The following FAR1 variants were observed in gnomAD, a reference collection of about 807,000 sequenced individuals.
FAR1 encodes male sterility domain-containing protein 2.
FAR1 carries 22 observed loss-of-function variants against 61.1 expected under a neutral mutation model. The ratio of observed to expected loss-of-function variants is 0.36; its 90% CI spans 0.26 to 0.51. FAR1 has a LOEUF of 0.51. Ranked by LOEUF, FAR1 falls within the 20% of genes least tolerant of loss-of-function variation. The probability of loss-of-function intolerance (pLI) is 0.95; values close to 1 mark genes in which losing one functional copy is unlikely to be tolerated. For missense variants in FAR1, 359 were observed against 626.9 expected (o/e 0.57, Z 4.56); for synonymous variants, 206 against 209.7 (o/e 0.98, Z 0.15).
chr11:13,716,329 AACAAATC>A (rs1472648885), intron 9 of FAR1, among the ~76,000 whole-genome samples: 2 of 152,352 alleles, frequency 1.3e-5, no homozygotes, highest in East Asian at 3.9e-4. Context: ...GTTGCTGCAT[AACAAATC>A]ATCTCAAACT....
At chr11:13,671,226 T>C (rs769267800) in intron 1 of FAR1, among the ~76,000 whole-genome samples, 2 of 152,208 alleles carry the variant, frequency 1.3e-5, no homozygotes, top group Non-Finnish European at 2.9e-5. Flanking sequence ...TCATGTGAAC[T>C]AGAAGTTGGG....
intron 2 of FAR1, among the ~76,000 whole-genome samples, chr11:13,696,641 GACTTA>G (rs139856423): frequency 0.17 from 25,620 of 151,884 alleles, 2,284 homozygotes; most frequent in South Asian, 0.24. Flanking sequence ...CCAAATATTT[GACTTA>G]ACTTGATACT....
chr11:13,683,408 A>G (rs1259275607), intron 1 of FAR1, among the ~76,000 whole-genome samples: 3 of 152,244 alleles, frequency 2.0e-5, no homozygotes, highest in Non-Finnish European at 4.4e-5. Flanking sequence ...AAAAAAGACA[A>G]AGCAGCATTG....
In FAR1 at chr11:13,713,010, A is replaced by G; in HGVS notation, c.932A>G (p.Asn311Ser). 1 of 1,613,138 alleles carries G rather than the reference A, an allele frequency of 6.2e-7. No homozygotes were observed. Among genetic ancestry groups the G allele is most frequent in the Non-Finnish European group, 8.5e-7 (1 of 1,179,278 alleles). The change falls in exon 8 of 12, where the codon AAT becomes AGT. Residue 311 changes from asparagine to serine, a missense_variant. Asn to Ser is a conservative substitution (Grantham distance 46). Coordinates refer to ENST00000354817, the MANE Select transcript of FAR1 (RefSeq NM_032228.6). Reference protein sequence around the residue: ...MVYNCTTGSTNPFHWGEVEYH... With the variant: ...MVYNCTTGSTSPFHWGEVEYH... ...TATAATTGTACAACAGGCAGCACTA[A>G]TCCTTTCCACTGGGGTGAAGTTGGT... is the stretch of plus-strand genomic sequence containing the variant.
At chr11:13,688,352 A>G (rs758087366) in intron 1 of FAR1, among the ~76,000 whole-genome samples, 1 of 152,130 alleles carries the variant, frequency 6.6e-6, no homozygotes, top group Admixed American at 6.5e-5. Flanking sequence ...TTAGCAAGCA[A>G]TCTTTATTCT....
chr11:13,696,934 C>G (rs1205507086), intron 2 of FAR1, among the ~76,000 whole-genome samples: 1 of 152,216 alleles, frequency 6.6e-6, no homozygotes, highest in African/African-American at 2.4e-5. Context: ...TTCTCAGCTT[C>G]AGCACCATTG....
intron 2 of FAR1, among the ~76,000 whole-genome samples, chr11:13,695,837 ATTTG>A (rs1286621914): frequency 6.6e-6 from 1 of 152,148 alleles, no homozygotes; most frequent in Non-Finnish European, 1.5e-5. Context: ...TCACATCAGC[ATTTG>A]TTTGACACCA....
In FAR1 at chr11:13,721,644, T is replaced by C. The variant is rs1266871316; in HGVS notation, c.1128-86T>C. On this transcript the variant is annotated intron_variant, in intron 9 of 11. Transcript: ENST00000354817. This position sits in a 1 kb window ranked among gnomAD's most constrained non-coding sequence, Gnocchi z 4.2. ...AATTTTAATACTAATGTCTATATTA[T>C]AGGGGGAAACTTGCACCCTGGGTGG... is the stretch of plus-strand genomic sequence containing the variant. 2 of 1,019,654 alleles carry C rather than the reference T, an allele frequency of 2.0e-6. No individual in the cohort carries two copies. The highest frequency in any genetic ancestry group is 2.9e-6 in the Non-Finnish European group (2 of 686,332). The allele number at this position is 1,019,654 out of a possible 1,614,324, so 63.2% of individuals were successfully genotyped here. A position where few individuals can be genotyped will look rare whatever the true frequency, so the allele number is the denominator to read the frequency against.
intron 10 of FAR1, among the ~76,000 whole-genome samples, chr11:13,722,627 C>T (rs1243414265): frequency 6.6e-6 from 1 of 152,010 alleles, no homozygotes; most frequent in Non-Finnish European, 1.5e-5. Flanking sequence ...GCACATACCA[C>T]CACACCCAGC....
At chr11:13,705,881 C>A (rs1848426247) in intron 3 of FAR1, among the ~76,000 whole-genome samples, 1 of 152,072 alleles carries the variant, frequency 6.6e-6, no homozygotes, top group African/African-American at 2.4e-5. Context: ...ACAGAATATT[C>A]TCTGTATTCC....
intron 3 of FAR1, among the ~76,000 whole-genome samples, chr11:13,705,151 T>A (rs1192728555): frequency 1.3e-5 from 2 of 152,182 alleles, no homozygotes; most frequent in African/African-American, 4.8e-5. Context: ...TTTCTCATTT[T>A]GTACCCCCCT....
At chr11:13,720,927 T>C (rs769523570) in intron 9 of FAR1, 2 of 152,130 alleles carry the variant, frequency 1.3e-5, no homozygotes, top group Non-Finnish European at 2.9e-5. Context: ...GTTAGTGTTA[T>C]GATATCAATG....
chr11:13,678,920 A>G (rs1848096746), intron 1 of FAR1, among the ~76,000 whole-genome samples: 1 of 152,192 alleles, frequency 6.6e-6, no homozygotes, highest in Admixed American at 6.5e-5. Flanking sequence ...ACACAAGAAA[A>G]ATAGAAAATA....
intron 7 of FAR1, 68 bp from the exon 8 acceptor site, chr11:13,712,898 T>C (rs1848515566): frequency 8.0e-7 from 1 of 1,254,770 alleles, no homozygotes; most frequent in Non-Finnish European, 1.2e-6. Flanking sequence ...TTGAATACTA[T>C]GTAGGACTTA....
At chr11:13,680,611 G>A (rs1298633287) in intron 1 of FAR1, among the ~76,000 whole-genome samples, 1 of 152,152 alleles carries the variant, frequency 6.6e-6, no homozygotes, top group African/African-American at 2.4e-5. Flanking sequence ...CACACAGTGA[G>A]AGAGGAAGCA....
intron 3 of FAR1, among the ~76,000 whole-genome samples, chr11:13,702,634 G>A (rs1848389071): frequency 6.6e-6 from 1 of 152,034 alleles, no homozygotes. Context: ...CATAGTTCTG[G>A]CTTTTATTAT....
At chr11:13,671,154 G>T (rs911458889) in intron 1 of FAR1, among the ~76,000 whole-genome samples, 1 of 152,206 alleles carries the variant, frequency 6.6e-6, no homozygotes, top group Non-Finnish European at 1.5e-5. Context: ...CAGTAGAGAA[G>T]TAATCTGAGT....
intron 3 of FAR1, among the ~76,000 whole-genome samples, chr11:13,707,611 A>G (rs1848447405): frequency 6.6e-6 from 1 of 152,216 alleles, no homozygotes; most frequent in African/African-American, 2.4e-5. Flanking sequence ...GTATGCATAA[A>G]AGCTAAAGAC....
At position 13,712,089 on chromosome 11, in the gene FAR1, G is replaced by A. The variant is rs768425761; in HGVS notation, c.887+43G>A. ...GTCGCTTATTAAATATATAGTAACT[G>A]AAAAGGGAAGACATAGCTTTTGAGT... is the stretch of plus-strand genomic sequence containing the variant. On this transcript the variant is annotated intron_variant, in intron 7 of 11. Transcript: ENST00000354817. The A allele has an allele frequency of 3.9e-6, 5 of 1,280,786 alleles. No homozygotes were observed. The South Asian group carries it at 6.0e-5, about 15-fold the overall frequency. 79.3% of individuals were successfully genotyped at this position (1,280,786 alleles called of 1,614,324 possible). A position where few individuals can be genotyped will look rare whatever the true frequency, so the allele number is the denominator to read the frequency against.
Sources: allele counts gnomAD v4.1 joint callset (sites outside exome capture counted in the v4.1 genomes callset), GRCh38; gene constraint gnomAD v4.1.1; non-coding constraint Gnocchi (gnomAD v3.1); transcripts MANE v1.5; gene names NCBI Gene and HGNC (gene_info 2026-07-23, HGNC 2026-07-21).